The following SCYL1 variants were observed in gnomAD, a reference collection of about 807,000 sequenced individuals.
SCYL1 encodes the protein N-terminal kinase-like protein.
In SCYL1, 85 loss-of-function variants were observed where a neutral mutation model predicts 94.8. The ratio of observed to expected loss-of-function variants is 0.90; its 90% CI spans 0.75 to 1.07. SCYL1 has a LOEUF of 1.07. Ranked by LOEUF, SCYL1 falls within the 50% of genes least tolerant of loss-of-function variation. The pLI, the probability that SCYL1 is intolerant of heterozygous loss-of-function variation, is 0.00. For missense variants in SCYL1, 968 were observed against 1,083.3 expected (o/e 0.89, Z 1.49); for synonymous variants, 459 against 435.5 (o/e 1.05, Z -0.67).
chr11:65,537,564 A>C (rs1428147087), intron 14 of SCYL1, among the ~76,000 whole-genome samples: 1 of 152,062 alleles, frequency 6.6e-6, no homozygotes, highest in Non-Finnish European at 1.5e-5. Flanking sequence ...CATCTGGCTG[A>C]CAGCAGCAGT....
chr11:65,533,735 G>A (rs138424178), intron 9 of SCYL1, among the ~76,000 whole-genome samples: 6 of 152,204 alleles, frequency 3.9e-5, no homozygotes, highest in Admixed American at 2.6e-4. Context: ...AGCTGTGATC[G>A]TGACACTGCA....
Position 65,525,175 on chromosome 11 carries a change from C to T in SCYL1, c.22C>T (p.Pro8Ser). MWFFARD[P>S]VRDFPFELIP... ...GACGATGTGGTTCTTTGCCCGGGAC[C>T]CGGTCCGGGACTTTCCGTTCGAGCT... is the stretch of plus-strand genomic sequence containing the variant. The change falls in exon 1 of 18, where the codon CCG (proline) becomes TCG (serine). Residue 8 changes from proline to serine, a missense_variant. Physicochemically the swap from Pro to Ser is moderately conservative, Grantham distance 74 (BLOSUM62 -1). Coordinates refer to ENST00000270176, the MANE Select transcript of SCYL1 (RefSeq NM_020680.4). The T allele has an allele frequency of 7.1e-7, 1 of 1,399,780 alleles. No individual in the cohort carries two copies. The highest frequency in any genetic ancestry group is 9.4e-7 in the Non-Finnish European group (1 of 1,066,982). The allele number at this position is 1,399,780 out of a possible 1,614,324, so 86.7% of individuals were successfully genotyped here.
At chr11:65,530,873 G>T in intron 7 of SCYL1, 86 bp downstream of exon 7, 1 of 1,462,572 alleles carries the variant, frequency 6.8e-7, no homozygotes, top group South Asian at 1.3e-5. Context: ...AGGCTGTTTA[G>T]GGCAGACCCA....
At position 65,526,286 on chromosome 11, in the gene SCYL1, G is replaced by A. The variant is rs201564248; in HGVS notation, c.538G>A (p.Glu180Lys). ...GGGPPRKGIPELEQYDPPELA... is the reference protein window; with the variant it reads ...GGGPPRKGIPKLEQYDPPELA... The stretch of plus-strand genomic sequence containing the variant: ...GGGACCTCCCCGCAAGGGGATCCCC[G>A]AGCTTGAGCAGTATGACCCCCCGGA... Residue 180 changes from glutamate to lysine, a missense_variant, in exon 4 of 18, where the codon GAG becomes AAG. Physicochemically the swap from Glu to Lys is moderately conservative, Grantham distance 56. Coordinates refer to ENST00000270176, the MANE Select transcript of SCYL1 (RefSeq NM_020680.4). This position sits in a 1 kb window ranked among gnomAD's most constrained non-coding sequence, Gnocchi z 4.1. 29 of 1,612,216 alleles carry A rather than the reference G, an allele frequency of 1.8e-5. No homozygotes were observed. The South Asian group carries it at 2.3e-4, about 13-fold the overall frequency.
intron 9 of SCYL1, among the ~76,000 whole-genome samples, chr11:65,533,857 T>C (rs572136175): frequency 1.3e-4 from 19 of 151,016 alleles, no homozygotes; most frequent in African/African-American, 4.6e-4. Flanking sequence ...CCGAGGCGGG[T>C]GGATCACCTG....
rs780141252 is a variant in SCYL1, at chr11:65,538,530, G to A, written c.2391G>A (p.Lys797=). 3.7e-6 allele frequency: 6 copies of A among 1,611,094 alleles called. No homozygotes were observed. Among genetic ancestry groups the A allele is most frequent in the African/African-American group, 1.3e-5 (1 of 74,920 alleles). ...AACGCGCCGAGAGGAAGGTGGCCAA[G>A]GGCCCCATGAAGCTGGGAGCCCGGA... The part of the protein sequence containing the change: ...EAKRAERKVA[K]GPMKLGARKL... The change falls in exon 18 of 18, where the codon AAG becomes AAA. Residue 797 remains lysine (K), a synonymous_variant. Coordinates refer to ENST00000270176, the MANE Select transcript of SCYL1 (RefSeq NM_020680.4).
In SCYL1 at chr11:65,525,196, G is replaced by A. The variant is rs867463453; in HGVS notation, c.43G>A (p.Glu15Lys). 3 of 1,453,802 alleles carry A rather than the reference G, an allele frequency of 2.1e-6. No individual in the cohort carries two copies. The highest frequency in any genetic ancestry group is 2.7e-5 in the Admixed American group (1 of 36,676). 90.1% of individuals were successfully genotyped at this position (1,453,802 alleles called of 1,614,324 possible). A position where few individuals can be genotyped will look rare whatever the true frequency, so the allele number is the denominator to read the frequency against. The change falls in exon 1 of 18, where the codon GAG becomes AAG. Residue 15 changes from glutamate to lysine, a missense_variant. By Grantham distance (56) the Glu-to-Lys change is moderately conservative. Transcript: ENST00000270176. ...GGACCCGGTCCGGGACTTTCCGTTCGAGCTCATCCCGGAGCCCCCAGAGGG... is the reference window on the plus strand; with the variant it reads ...GGACCCGGTCCGGGACTTTCCGTTCAAGCTCATCCCGGAGCCCCCAGAGGG... Reference protein sequence around the residue: ...ARDPVRDFPFELIPEPPEGGL... With the variant: ...ARDPVRDFPFKLIPEPPEGGL...
rs766470635 is a variant in SCYL1, at chr11:65,536,011, C to T, written c.1445C>T (p.Pro482Leu). Reference sequence around the variant, plus strand: ...CGAGCCACTAGGGACCCGTTTGCACCGTCCCGGGTTGCGGGTGTCCTGGGC... The same window carrying T: ...CGAGCCACTAGGGACCCGTTTGCACTGTCCCGGGTTGCGGGTGTCCTGGGC... ...FSRATRDPFAPSRVAGVLGFA... is the reference protein window; with the variant it reads ...FSRATRDPFALSRVAGVLGFA... The change falls in exon 11 of 18, where the codon CCG becomes CTG. Residue 482 changes from proline (P) to leucine (L), a missense_variant. Pro to Leu is a moderately conservative substitution (Grantham distance 98). Coordinates refer to ENST00000270176, the MANE Select transcript of SCYL1 (RefSeq NM_020680.4). The T allele has an allele frequency of 5.0e-6, 8 of 1,613,518 alleles. No homozygotes were observed. The highest frequency in any genetic ancestry group is 3.3e-5 in the Admixed American group (2 of 59,880).
At position 65,537,875 on chromosome 11, in the gene SCYL1, A is replaced by G; in HGVS notation, c.2026A>G (p.Ser676Gly). The change falls in exon 15 of 18, where the codon AGT (serine) becomes GGT (glycine). Residue 676 changes from serine (S) to glycine (G), a missense_variant. Physicochemically the swap from Ser to Gly is moderately conservative, Grantham distance 56. Around this residue, in one of 2 missense-constraint regions of SCYL1, gnomAD observed 474 missense variants for 463.6 expected, o/e 1.02. Coordinates refer to ENST00000270176, the MANE Select transcript of SCYL1 (RefSeq NM_020680.4). ...CACCGGGGGCCAAGTGAGCCGTGCT[A>G]GTCAGGTGAGCTGGGTCTGGTGGGG... ...WSTGGQVSRA[S>G]QVSNSDHKSS... The G allele has an allele frequency of 6.3e-7, 1 of 1,577,976 alleles. No homozygotes were observed. Among genetic ancestry groups the G allele is most frequent in the Non-Finnish European group, 8.6e-7 (1 of 1,161,708 alleles).
In SCYL1 at chr11:65,526,090, G is replaced by A. The variant is rs1401054466; in HGVS notation, c.376-34G>A. On this transcript the variant is annotated intron_variant, in intron 3 of 17. Coordinates refer to ENST00000270176, the MANE Select transcript of SCYL1 (RefSeq NM_020680.4). The surrounding 1 kb of genome is among the most constrained non-coding windows in gnomAD (Gnocchi z 4.1). The stretch of plus-strand genomic sequence containing the variant: ...ATGAGAGCAGGGATGGGGGGTTGCA[G>A]GTGCTGGGGCGTGATGGCTCCTTTT... 1 of 1,611,984 alleles carries A rather than the reference G, an allele frequency of 6.2e-7. No homozygotes were observed.
At position 65,538,029 on chromosome 11, in the gene SCYL1, T is replaced by G; in HGVS notation, c.2094T>G (p.Ala698=). 1 of 1,612,548 alleles carries G rather than the reference T, an allele frequency of 6.2e-7. No homozygotes were observed. Among genetic ancestry groups the G allele is most frequent in the Non-Finnish European group, 8.5e-7 (1 of 1,179,410 alleles). Residue 698 remains alanine, a synonymous_variant, in exon 16 of 18, where the codon GCT becomes GCG. Transcript: ENST00000270176. ...AGTCCGACTGGAGCAGCTGGGAAGC[T>G]GAGGGCTCCTGGGAACAGGGCTGGC... The part of the protein sequence containing the change: ...SPESDWSSWE[A]EGSWEQGWQE...
At chr11:65,535,052 G>A in intron 9 of SCYL1, 175 bp from the exon 10 acceptor site, 1 of 716,180 alleles carries the variant, frequency 1.4e-6, no homozygotes, top group Non-Finnish European at 2.3e-6. Context: ...CTGTAAAGGG[G>A]GACAGAAATG....
rs755365485 is a variant in SCYL1 at position 65,535,340 on chromosome 11, C to G, written c.1344C>G (p.Thr448=). Residue 448 remains threonine, a synonymous_variant, in exon 10 of 18, where the codon ACC becomes ACG. Transcript: ENST00000270176. The part of the protein sequence containing the change: ...KDEQGPIRCN[T]TVCLGKIGSY... ...AACAGGGCCCCATCCGCTGCAACAC[C>G]ACAGTCTGCCTGGGCAAAATCGGCT... 1.9e-6 allele frequency: 3 copies of G among 1,614,268 alleles called. No individual in the cohort carries two copies. Among genetic ancestry groups the G allele is most frequent in the Non-Finnish European group, 2.5e-6 (3 of 1,180,034 alleles).
At position 65,538,191 on chromosome 11, in the gene SCYL1, C is replaced by G; in HGVS notation, c.2247+9C>G. ...CACGTCCCAGCACCCAGGTACCCAG[C>G]ACAGGTCTGGCGAGAGGGTAGAGAT... On this transcript the variant is annotated intron_variant, in intron 16 of 17. Transcript: ENST00000270176. The G allele has an allele frequency of 6.4e-7, 1 of 1,574,248 alleles. No homozygotes were observed. Among genetic ancestry groups the G allele is most frequent in the Non-Finnish European group, 8.6e-7 (1 of 1,159,610 alleles).
Position 65,536,274 on chromosome 11 carries a change from C to T in SCYL1, c.1591C>T (p.Arg531Trp), listed in dbSNP as rs748978822. 37 of 1,613,986 alleles carry T rather than the reference C, an allele frequency of 2.3e-5. No individual in the cohort carries two copies. The highest frequency in any genetic ancestry group is 3.3e-5 in the South Asian group (3 of 91,094). Residue 531 changes from arginine (R) to tryptophan (W), a missense_variant, in exon 12 of 18, where the codon CGG becomes TGG. Arg to Trp is a moderately radical substitution (Grantham distance 101). Transcript: ENST00000270176. The part of the protein sequence containing the change: ...SVRDQAFKAI[R>W]SFLSKLESVS... ...TACCCCACAGGCCTTCAAGGCCATT[C>T]GGAGCTTCCTGTCCAAATTGGAGTC...
At chr11:65,533,929 T>C (rs971648824) in intron 9 of SCYL1, among the ~76,000 whole-genome samples, 73 of 152,050 alleles carry the variant, frequency 4.8e-4, no homozygotes, top group African/African-American at 1.8e-3. Context: ...ACCCCATCTC[T>C]ACTAAAAATA....
At position 65,536,077 on chromosome 11, in the gene SCYL1, C is replaced by T. The variant is rs985893277; in HGVS notation, c.1511C>T (p.Ala504Val). 7 of 1,614,096 alleles carry T rather than the reference C, an allele frequency of 4.3e-6. No individual in the cohort carries two copies. The highest frequency in any genetic ancestry group is 1.3e-5 in the African/African-American group (1 of 74,934). Reference protein sequence around the residue: ...THNLYSMNDCAQKILPVLCGL... With the variant: ...THNLYSMNDCVQKILPVLCGL... The stretch of plus-strand genomic sequence containing the variant: ...AACCTCTACTCAATGAACGACTGTG[C>T]CCAGAAGATCCTGCCTGTGCTCTGC... The change falls in exon 11 of 18, where the codon GCC (alanine) becomes GTC (valine). Residue 504 changes from alanine to valine, a missense_variant. By Grantham distance (64) the Ala-to-Val change is moderately conservative. Around this residue, in one of 2 missense-constraint regions of SCYL1, gnomAD observed 474 missense variants for 463.6 expected, o/e 1.02. Coordinates refer to ENST00000270176, the MANE Select transcript of SCYL1 (RefSeq NM_020680.4).
In SCYL1 at chr11:65,538,044, ACAGGGCTGG is replaced by A; in HGVS notation, c.2114_2122del (p.Gly705_Gln707del). ...GCTGGGAAGCTGAGGGCTCCTGGGA[ACAGGGCTGG>A]CAGGAGCCAAGCTCCCAGGAGCCAC... On this transcript the variant is annotated inframe_deletion, in exon 16 of 18. Coordinates refer to ENST00000270176, the MANE Select transcript of SCYL1 (RefSeq NM_020680.4). 1 of 1,611,718 alleles carries A rather than the reference ACAGGGCTGG, an allele frequency of 6.2e-7. No individual in the cohort carries two copies. The highest frequency in any genetic ancestry group is 8.5e-7 in the Non-Finnish European group (1 of 1,179,158).
Position 65,536,299 on chromosome 11 carries a change from CTG to C in SCYL1, c.1620_1621del (p.Ser541GlyfsTer27). 2 of 1,614,194 alleles carry C rather than the reference CTG, an allele frequency of 1.2e-6. No homozygotes were observed. The highest frequency in any genetic ancestry group is 8.5e-7 in the Non-Finnish European group (1 of 1,180,022). Reference sequence around the variant, plus strand: ...CGGAGCTTCCTGTCCAAATTGGAGTCTGTGTCGGAGGACCCGACCCAGCTGGA... The same window carrying C: ...CGGAGCTTCCTGTCCAAATTGGAGTCTGTCGGAGGACCCGACCCAGCTGGA... On this transcript the variant is annotated frameshift_variant, in exon 12 of 18. Transcript: ENST00000270176. LOFTEE classifies it high-confidence loss of function.
Sources: gnomAD v4.1 joint callset for allele counts (sites outside exome capture counted in the v4.1 genomes callset) on GRCh38, gnomAD v4.1.1 for gene constraint, gnomAD v4.1.1 regional missense constraint, Gnocchi (gnomAD v3.1) non-coding constraint, MANE v1.5 for transcripts, NCBI Gene and HGNC (gene_info 2026-07-23, HGNC 2026-07-21) for gene names.